The following CTCFL variants were observed in gnomAD, a reference collection of about 807,000 sequenced individuals.
The protein encoded by CTCFL is CCCTC-binding factor like.
A neutral mutation model predicts 67.4 loss-of-function variants in CTCFL; 36 were observed. That is an observed-to-expected ratio of 0.53 (90% CI 0.41 to 0.71). The LOEUF is 0.71. CTCFL is among the 30% of genes least tolerant of loss of function. The pLI, the probability that CTCFL is intolerant of heterozygous loss-of-function variation, is 0.00. For missense variants in CTCFL, 786 were observed against 835.2 expected (o/e 0.94, Z 0.73); for synonymous variants, 324 against 302.3 (o/e 1.07, Z -0.75).
Position 57,523,251 on chromosome 20 carries a change from A to C in CTCFL, c.571T>G (p.Leu191Val). 2 of 1,613,902 alleles carry C rather than the reference A, an allele frequency of 1.2e-6. No homozygotes were observed. The highest frequency in any genetic ancestry group is 1.7e-6 in the Non-Finnish European group (2 of 1,179,964). Residue 191 changes from leucine (L) to valine (V), a missense_variant, in exon 3 of 11, where the codon TTA (leucine) becomes GTA (valine). Leu to Val is a conservative substitution (Grantham distance 32). Around this residue, in one of 3 missense-constraint regions of CTCFL, gnomAD observed 333 missense variants for 304.6 expected, o/e 1.09. Transcript: ENST00000243914. ...KLEEEQEKNQ[L>V]LAERTKEQLF... is the part of the protein sequence containing the mutation. The stretch of plus-strand genomic sequence containing the variant: ...TGCTCCTTTGTTCTTTCAGCCAATA[A>C]CTGGTTCTTCTCCTGCTCTTCCTCG...
At position 57,498,562 on chromosome 20, in the gene CTCFL, C is replaced by T. The variant is rs755523255; in HGVS notation, c.1980G>A (p.Thr660=). The T allele has an allele frequency of 1.1e-5, 17 of 1,613,098 alleles. 1 individual carries two copies. The South Asian group carries it at 1.4e-4, about 14-fold the overall frequency. The change falls in exon 11 of 11, where the codon ACG becomes ACA. Residue 660 remains threonine (T), a synonymous_variant. Transcript: ENST00000243914. The stretch of plus-strand genomic sequence containing the variant: ...ACCCGAATCCCTCTCACTTATCCAT[C>T]GTGTTGAGGAGCATTTCACAGGTCA... ...EGVTCEMLLN[T]MDK
chr20:57,508,507 G>T, intron 9 of CTCFL, 99 bp downstream of exon 9: 1 of 1,157,482 alleles, frequency 8.6e-7, no homozygotes. Flanking sequence ...GTCCTGGCAG[G>T]TTTCTATAAT....
chr20:57,519,868 A>G (rs549945241), intron 3 of CTCFL, among the ~76,000 whole-genome samples: 1 of 152,364 alleles, frequency 6.6e-6, no homozygotes, highest in South Asian at 2.1e-4. Flanking sequence ...AACCACAGCC[A>G]TAAGTCATGT....
At chr20:57,514,327 G>T (rs1299461801) in intron 7 of CTCFL, among the ~76,000 whole-genome samples, 2 of 152,212 alleles carry the variant, frequency 1.3e-5, no homozygotes, top group Non-Finnish European at 2.9e-5. Context: ...AATGTGGAAT[G>T]AAGTAATACC....
chr20:57,498,613 T>G lies in CTCFL; in HGVS notation c.1929A>C (p.Arg643Ser), dbSNP rs747123807. Reference protein sequence around the residue: ...FPVACRETTARVKEEVDEGVT... With the variant: ...FPVACRETTASVKEEVDEGVT... ...CGCCTTCATCCACTTCCTCTTTGACTCTGGCTGTGGTTTCTCTGCAGGCGA... is the reference window on the plus strand; with the variant it reads ...CGCCTTCATCCACTTCCTCTTTGACGCTGGCTGTGGTTTCTCTGCAGGCGA... Residue 643 changes from arginine to serine, a missense_variant, in exon 11 of 11, where the codon AGA becomes AGC. By Grantham distance (110) the Arg-to-Ser change is moderately radical (BLOSUM62 -1). Transcript: ENST00000243914. 8 of 1,614,058 alleles carry G rather than the reference T, an allele frequency of 5.0e-6. No individual in the cohort carries two copies. In the East Asian group the frequency reaches 1.8e-4, roughly 36 times the overall value.
At position 57,498,492 on chromosome 20, in the gene CTCFL, A is replaced by G. The variant is rs1480870338; in HGVS notation, c.*58T>C. ...AGGAGCATTTCACACCTTAAATGCTAAAAACTTCTAACTTGCTTTAGGAAT... is the reference window on the plus strand; with the variant it reads ...AGGAGCATTTCACACCTTAAATGCTGAAAACTTCTAACTTGCTTTAGGAAT... On this transcript the variant is annotated 3_prime_UTR_variant, in exon 11 of 11. Coordinates refer to ENST00000243914, the MANE Select transcript of CTCFL (RefSeq NM_001386993.1). The G allele has an allele frequency of 6.4e-7, 1 of 1,569,074 alleles. No homozygotes were observed. Among genetic ancestry groups the G allele is most frequent in the African/African-American group, 1.4e-5 (1 of 73,894 alleles).
At chr20:57,518,974 C>T in intron 4 of CTCFL, 83 bp from the exon 5 acceptor site, 1 of 1,466,676 alleles carries the variant, frequency 6.8e-7, no homozygotes, top group Non-Finnish European at 9.2e-7. Context: ...TAATTACACT[C>T]AGTCTCAAAA....
chr20:57,513,699 T>C, intron 7 of CTCFL: 1 of 1,189,946 alleles, frequency 8.4e-7, no homozygotes, highest in Non-Finnish European at 1.1e-6. Flanking sequence ...AGTGAAGACT[T>C]TGTGGAACAC....
rs2069170036 is a variant in CTCFL, at chr20:57,519,333, A to C, written c.799T>G (p.Ser267Ala). 2 of 1,614,168 alleles carry C rather than the reference A, an allele frequency of 1.2e-6. No homozygotes were observed. The highest frequency in any genetic ancestry group is 4.5e-5 in the East Asian group (2 of 44,886). ...TGACGATTAAAACTTGACATTCTAGAAGAGGTGAACATGCAGACATCACAG... is the reference window on the plus strand; with the variant it reads ...TGACGATTAAAACTTGACATTCTAGCAGAGGTGAACATGCAGACATCACAG... Reference protein sequence around the residue: ...FHCDVCMFTSSRMSSFNRHMK... With the variant: ...FHCDVCMFTSARMSSFNRHMK... The change falls in exon 4 of 11, where the codon TCT (serine) becomes GCT (alanine). Residue 267 changes from serine to alanine, a missense_variant. By Grantham distance (99) the Ser-to-Ala change is moderately conservative. Transcript: ENST00000243914.
intron 9 of CTCFL, among the ~76,000 whole-genome samples, chr20:57,505,322 C>T (rs938239981): frequency 6.6e-6 from 1 of 151,740 alleles, no homozygotes; most frequent in African/African-American, 2.4e-5. Context: ...GTGGCACGAT[C>T]TCTGCTCACT....
chr20:57,504,122 A>G (rs368291563), intron 9 of CTCFL, among the ~76,000 whole-genome samples: 35 of 150,306 alleles, frequency 2.3e-4, no homozygotes, highest in Middle Eastern at 3.6e-3. Flanking sequence ...GACTACAGGC[A>G]CCCGTCACCA....
chr20:57,507,236 G>T, intron 9 of CTCFL: 1 of 251,854 alleles, frequency 4.0e-6, no homozygotes, highest in Non-Finnish European at 7.4e-6. Flanking sequence ...CTGTCGCCCA[G>T]GCTGGAGGCC....
At position 57,523,293 on chromosome 20, in the gene CTCFL, A is replaced by G; in HGVS notation, c.544-15T>C. 1 of 1,601,158 alleles carries G rather than the reference A, an allele frequency of 6.2e-7. No homozygotes were observed. Among genetic ancestry groups the G allele is most frequent in the East Asian group, 2.2e-5 (1 of 44,784 alleles). On this transcript the variant is annotated splice_polypyrimidine_tract_variant and intron_variant, in intron 2 of 10. Coordinates refer to ENST00000243914, the MANE Select transcript of CTCFL (RefSeq NM_001386993.1). ...TCTTCCTCGAGCTAATAAACAACAA[A>G]TATTCAAATATGATACTATTGATTT... is the stretch of plus-strand genomic sequence containing the variant.
intron 10 of CTCFL, among the ~76,000 whole-genome samples, chr20:57,501,371 A>G (rs2146282966): frequency 2.0e-5 from 1 of 49,616 alleles, no homozygotes; most frequent in East Asian, 6.0e-4. Flanking sequence ...GCAGGCCTGC[A>G]GGGGTGAGTT....
chr20:57,508,887 A>G, intron 8 of CTCFL, 99 bp from the exon 9 acceptor site: 1 of 1,095,338 alleles, frequency 9.1e-7, no homozygotes, highest in South Asian at 1.5e-5. Flanking sequence ...CCCTCCCCAA[A>G]GATGAGTCCA....
intron 10 of CTCFL, chr20:57,500,272 TA>T: frequency 1.2e-6 from 1 of 865,710 alleles, no homozygotes; most frequent in Non-Finnish European, 1.6e-6. Context: ...AGAGACATGG[TA>T]AAACCCCATC....
At chr20:57,519,102 TATAAA>T in intron 4 of CTCFL, 100 bp downstream of exon 4, 1 of 1,306,942 alleles carries the variant, frequency 7.7e-7, no homozygotes, top group Non-Finnish European at 1.1e-6. Flanking sequence ...AAAACTAAAG[TATAAA>T]ATGTTACACG....
intron 10 of CTCFL, among the ~76,000 whole-genome samples, chr20:57,502,807 A>C (rs1237761834): frequency 6.6e-6 from 1 of 152,220 alleles, no homozygotes; most frequent in Non-Finnish European, 1.5e-5. Context: ...TGACCCCTAA[A>C]GGGATATGTC....
intron 3 of CTCFL, among the ~76,000 whole-genome samples, chr20:57,520,873 T>C (rs913294206): frequency 6.6e-6 from 1 of 152,206 alleles, no homozygotes; most frequent in South Asian, 2.1e-4. Flanking sequence ...GCAATCAAGC[T>C]AAGCTGAGGT....
Sources: allele counts gnomAD v4.1 joint callset (sites outside exome capture counted in the v4.1 genomes callset), GRCh38; gene constraint gnomAD v4.1.1; regional missense constraint gnomAD v4.1.1; transcripts MANE v1.5; gene names NCBI Gene and HGNC (gene_info 2026-07-23, HGNC 2026-07-21).